Variants in RECK observed in about 807,000 individuals in gnomAD.
RECK encodes the protein reversion inducing cysteine rich protein with kazal motifs, also known as reversion-inducing cysteine-rich protein with Kazal motifs.
In RECK, 69 loss-of-function variants were observed where a neutral mutation model predicts 115.1. The observed-to-expected ratio is 0.60, with a 90% confidence interval of 0.49 to 0.73. The LOEUF (loss-of-function observed/expected upper bound fraction) is 0.73. Among genes scored for constraint, RECK ranks in the 30% least tolerant of loss-of-function variants. The pLI is 0.00. For missense variants in RECK, 1,047 were observed against 1,203.7 expected, an observed-to-expected ratio of 0.87 and a Z score of 1.93; for synonymous variants, 414 against 419.7, an observed-to-expected ratio of 0.99 and a Z score of 0.17.
intron 2 of RECK, among the ~76,000 whole-genome samples, chr9:36,053,007 G>A (rs1025706072): frequency 4.6e-5 from 7 of 152,124 alleles, no homozygotes; most frequent in African/African-American, 1.7e-4. Flanking sequence ...TACATACTAG[G>A]ATTTAGGAAT....
At chr9:36,107,756 A>G (rs888020104) in intron 13 of RECK, among the ~76,000 whole-genome samples, 3 of 152,184 alleles carry the variant, frequency 2.0e-5, no homozygotes, top group Non-Finnish European at 4.4e-5. Context: ...TGGGGTACAG[A>G]TCTGTAATCA....
At chr9:36,121,452 G>A in intron 19 of RECK, 81 bp from the exon 20 acceptor site, 1 of 1,385,882 alleles carries the variant, frequency 7.2e-7, no homozygotes, top group Non-Finnish European at 9.9e-7. Context: ...AGCCTCCTCA[G>A]CTGGCAGCCC....
chr9:36,115,944 G>A (rs899578503), intron 16 of RECK, among the ~76,000 whole-genome samples: 5 of 152,062 alleles, frequency 3.3e-5, no homozygotes, highest in Middle Eastern at 3.2e-3. Context: ...AAGAAGAAAA[G>A]AATCATCATC....
Position 36,123,106 on chromosome 9 carries a change from C to G in RECK, c.*61C>G. ...ACTCTCCTGCCTTGAAAAAGACATT[C>G]AGGACTGCTGGTTTGTAGTTGAATA... On this transcript the variant is annotated 3_prime_UTR_variant, in exon 21 of 21. Coordinates refer to ENST00000377966, the MANE Select transcript of RECK (RefSeq NM_021111.3). 1 of 1,339,932 alleles carries G rather than the reference C, an allele frequency of 7.5e-7. No homozygotes were observed. Among genetic ancestry groups the G allele is most frequent in the Non-Finnish European group, 1.0e-6 (1 of 956,792 alleles). 83.0% of individuals were successfully genotyped at this position (1,339,932 alleles called of 1,614,324 possible). A position where few individuals can be genotyped will look rare whatever the true frequency, so the allele number is the denominator to read the frequency against.
chr9:36,106,967 A>G (rs1823843229), intron 13 of RECK, among the ~76,000 whole-genome samples: 1 of 151,950 alleles, frequency 6.6e-6, no homozygotes, highest in Non-Finnish European at 1.5e-5. Flanking sequence ...TTAGCCGGGC[A>G]TGGTGGTGGG....
intron 20 of RECK, among the ~76,000 whole-genome samples, chr9:36,122,233 G>A (rs1363191030): frequency 6.6e-6 from 1 of 152,188 alleles, no homozygotes; most frequent in Non-Finnish European, 1.5e-5. Context: ...AGGGCTCAAG[G>A]GAAGGGAACG....
At chr9:36,046,587 T>C (rs1821080416) in intron 1 of RECK, among the ~76,000 whole-genome samples, 1 of 152,172 alleles carries the variant, frequency 6.6e-6, no homozygotes, top group Admixed American at 6.5e-5. Context: ...AGAAGACATA[T>C]GCTGTTACAG....
At chr9:36,037,250 G>A in intron 1 of RECK, 152 bp downstream of exon 1, 1 of 433,568 alleles carries the variant, frequency 2.3e-6, no homozygotes, top group Admixed American at 4.6e-5. Context: ...GCGCTCCAGA[G>A]GCTGGTGCCG....
chr9:36,049,171 A>G (rs1294809181), intron 1 of RECK, among the ~76,000 whole-genome samples: 1 of 152,198 alleles, frequency 6.6e-6, no homozygotes, highest in African/African-American at 2.4e-5. Context: ...TCTTCCCAGT[A>G]CATCAATGTG....
chr9:36,054,219 A>G (rs1277551279), intron 2 of RECK, among the ~76,000 whole-genome samples: 2 of 152,164 alleles, frequency 1.3e-5, no homozygotes, highest in South Asian at 4.1e-4. Flanking sequence ...TGACATTTAG[A>G]TTTTGAACTG....
chr9:36,069,868 G>A (rs890690540), intron 6 of RECK, among the ~76,000 whole-genome samples: 2 of 152,142 alleles, frequency 1.3e-5, no homozygotes, highest in African/African-American at 4.8e-5. Flanking sequence ...AGAAAAAAAG[G>A]CATTGCCTTC....
At chr9:36,096,075 A>C (rs1274183688) in intron 10 of RECK, among the ~76,000 whole-genome samples, 1 of 150,966 alleles carries the variant, frequency 6.6e-6, no homozygotes, top group Non-Finnish European at 1.5e-5. Context: ...TCTCAAAAAA[A>C]AAAAAAAAAA....
rs141592531 is a variant in RECK, at chr9:36,108,057, G to A, written c.1658G>A (p.Gly553Asp). ...IQVPSSAGEV[G>D]CYKICSCGQS... ...GTGCCATCATCTGCAGGGGAAGTTG[G>A]TTGTTATAAAATCTGTTCATGTGGA... The change falls in exon 14 of 21, where the codon GGT (glycine) becomes GAT (aspartate). Residue 553 changes from glycine (G) to aspartate (D), a missense_variant. By Grantham distance (94) the Gly-to-Asp change is moderately conservative. Coordinates refer to ENST00000377966, the MANE Select transcript of RECK (RefSeq NM_021111.3). The A allele has an allele frequency of 9.7e-5, 156 of 1,614,090 alleles. No homozygotes were observed. The African/African-American group carries it at 1.7e-3, about 18-fold the overall frequency.
chr9:36,082,187 T>TCTCTCTCTCTCTCTCC (rs1822740403), intron 7 of RECK, among the ~76,000 whole-genome samples: 1 of 149,728 alleles, frequency 6.7e-6, no homozygotes, highest in Admixed American at 6.7e-5. Context: ...TCTCTCTCTC[T>TCTCTCTCTCTCTCTCC]CCTTTTTTCT....
In RECK at chr9:36,110,191, A is replaced by G. The variant is rs373491593; in HGVS notation, c.1888+112A>G. 58 of 1,166,738 alleles carry G rather than the reference A, an allele frequency of 5.0e-5. No individual in the cohort carries two copies. The African/African-American group carries it at 8.0e-4, about 16-fold the overall frequency. The allele number at this position is 1,166,738 out of a possible 1,614,324, so 72.3% of individuals were successfully genotyped here. A position where few individuals can be genotyped will look rare whatever the true frequency, so the allele number is the denominator to read the frequency against. On this transcript the variant is annotated intron_variant, in intron 15 of 20. Transcript: ENST00000377966. ...ACTGCAAATGTACACAATAAAATCA[A>G]TACAGAATCTAAGGGCAAGATGCTT...
At chr9:36,118,701 T>G in intron 17 of RECK, 56 bp from the exon 18 acceptor site, 1 of 1,533,548 alleles carries the variant, frequency 6.5e-7, no homozygotes, top group South Asian at 1.1e-5. Context: ...GTACTCTTGG[T>G]TGGGAAAGGT....
At chr9:36,058,132 A>T (rs1406503651) in intron 2 of RECK, among the ~76,000 whole-genome samples, 1 of 150,934 alleles carries the variant, frequency 6.6e-6, no homozygotes, top group Non-Finnish European at 1.5e-5. Context: ...ATACCATTTG[A>T]CCCAGCCATC....
intron 2 of RECK, 46 bp from the exon 3 acceptor site, chr9:36,058,781 T>C (rs1404777863): frequency 2.8e-6 from 4 of 1,435,812 alleles, no homozygotes; most frequent in Non-Finnish European, 3.8e-6. Flanking sequence ...TCTTCTTATT[T>C]CTTATAGAAA....
Position 36,094,162 on chromosome 9 carries a change from T to A in RECK, c.1085+2819T>A, listed in dbSNP as rs1261416055. On this transcript the variant is annotated intron_variant, in intron 10 of 20. Coordinates refer to ENST00000377966, the MANE Select transcript of RECK (RefSeq NM_021111.3). The surrounding 1 kb of genome is among the most constrained non-coding windows in gnomAD (Gnocchi z 4.1). ...TATAGAGCACTGGGATTGGTAAATG[T>A]TGGTAAACATGAAAAATATTTTTTC... 6.6e-6 allele frequency among the ~76,000 whole-genome samples: 1 copy of A among 152,104 alleles called. No individual in the cohort carries two copies. Among genetic ancestry groups the A allele is most frequent in the East Asian group, 1.9e-4 (1 of 5,196 alleles).
Sources: gnomAD v4.1 joint callset for allele counts (sites outside exome capture counted in the v4.1 genomes callset) on GRCh38, gnomAD v4.1.1 for gene constraint, Gnocchi (gnomAD v3.1) non-coding constraint, MANE v1.5 for transcripts, NCBI Gene and HGNC (gene_info 2026-07-23, HGNC 2026-07-21) for gene names.